PELP1: variants seen among roughly 807,000 people sequenced by gnomAD.
PELP1 encodes proline-, glutamic acid- and leucine-rich protein 1.
In PELP1, 32 loss-of-function variants were observed where a neutral mutation model predicts 95.5. The observed-to-expected ratio is 0.34, with a 90% CI of 0.25 to 0.45. PELP1 has a LOEUF of 0.45. Ranked by LOEUF, PELP1 falls within the 20% of genes least tolerant of loss-of-function variation. The pLI is 1.00. For synonymous variants in PELP1, 668 were observed against 600.1 expected, an observed-to-expected ratio of 1.11 and a Z score of -1.65; for missense variants, 1,358 against 1,444.8, an observed-to-expected ratio of 0.94 and a Z score of 0.97.
chr17:4,689,502 G>A (rs536923515), intron 3 of PELP1, among the ~76,000 whole-genome samples: 1 of 152,258 alleles, frequency 6.6e-6, no homozygotes, highest in East Asian at 1.9e-4. Context: ...ACATCAAAAA[G>A]TGAGCTAAGG....
At chr17:4,693,331 G>A (rs995675247) in intron 1 of PELP1, among the ~76,000 whole-genome samples, 6 of 152,268 alleles carry the variant, frequency 3.9e-5, no homozygotes, top group East Asian at 1.9e-4. Flanking sequence ...GTGCAGCAGC[G>A]CCCCCTTATC....
chr17:4,674,529 C>G lies in PELP1; in HGVS notation c.1563G>C (p.Val521=), dbSNP rs1346634973. Residue 521 remains valine (V), a synonymous_variant, in exon 13 of 17, where the codon GTG becomes GTC. Coordinates refer to ENST00000572293, the MANE Select transcript of PELP1 (RefSeq NM_014389.3). Reference sequence around the variant, plus strand: ...ACCCACCTCTGAGTGCAGCCGCACACACGTCGCTGTTGGCATTGCTATCCC... The same window carrying G: ...ACCCACCTCTGAGTGCAGCCGCACAGACGTCGCTGTTGGCATTGCTATCCC... ...RKGDSNANSD[V]CAAALRGLSR... 6.2e-7 allele frequency: 1 copy of G among 1,613,132 alleles called. No homozygotes were observed. The highest frequency in any genetic ancestry group is 1.3e-5 in the African/African-American group (1 of 74,902).
At position 4,672,080 on chromosome 17, in the gene PELP1, C is replaced by T. The variant is rs906270818; in HGVS notation, c.2911G>A (p.Glu971Lys). Residue 971 changes from glutamate to lysine, a missense_variant, in exon 16 of 17, where the codon GAG becomes AAG. This residue lies in a region of PELP1 where 283 missense variants were observed against 284.1 expected (regional missense o/e 1.00). Transcript: ENST00000572293. ...GGTGGAGGTGCACCTTCTTCTACCT[C>T]CCCTCCTGCTGTGCCAAACTCCAGG... ...EDLEFGTAGGEVEEGAPPPPT... is the reference protein window; with the variant it reads ...EDLEFGTAGGKVEEGAPPPPT... 1 of 1,555,690 alleles carries T rather than the reference C, an allele frequency of 6.4e-7. No individual in the cohort carries two copies. The highest frequency in any genetic ancestry group is 8.7e-7 in the Non-Finnish European group (1 of 1,149,408).
chr17:4,683,264 A>G (rs1349827514), intron 3 of PELP1, among the ~76,000 whole-genome samples: 2 of 147,156 alleles, frequency 1.4e-5, no homozygotes, highest in Non-Finnish European at 3.0e-5. Context: ...TCTGTCACCC[A>G]GGCTGGAGTG....
In PELP1 at chr17:4,672,999, C is replaced by T. The variant is rs967267031; in HGVS notation, c.1992G>A (p.Pro664=). 1.4e-5 allele frequency: 21 copies of T among 1,552,754 alleles called. No homozygotes were observed. Among genetic ancestry groups the T allele is most frequent in the East Asian group, 4.5e-5 (2 of 44,368 alleles). Residue 664 remains proline (P), a synonymous_variant, in exon 16 of 17, where the codon CCG becomes CCA. Coordinates refer to ENST00000572293, the MANE Select transcript of PELP1 (RefSeq NM_014389.3). ...AGGGCATGGGGCCCGGAGGATGGAACGGTGGGGCCCTGAAGGGCGATGGGG... is the reference window on the plus strand; with the variant it reads ...AGGGCATGGGGCCCGGAGGATGGAATGGTGGGGCCCTGAAGGGCGATGGGG... ...PEAPSPFRAP[P]FHPPGPMPSV... is the part of the protein sequence containing the mutation.
intron 3 of PELP1, among the ~76,000 whole-genome samples, chr17:4,684,851 C>T (rs908865381): frequency 2.6e-5 from 4 of 152,204 alleles, no homozygotes; most frequent in Non-Finnish European, 4.4e-5. Flanking sequence ...CAGGCACATG[C>T]CACCATGCCC....
At chr17:4,692,395 A>G (rs1913140985) in intron 1 of PELP1, among the ~76,000 whole-genome samples, 1 of 151,794 alleles carries the variant, frequency 6.6e-6, no homozygotes, top group African/African-American at 2.4e-5. Flanking sequence ...TGAACCCAGG[A>G]GACGGAGTTT....
In PELP1 at chr17:4,682,950, G is replaced by A. The variant is rs370267840; in HGVS notation, c.423C>T (p.Thr141=). 2 of 1,362,686 alleles carry A rather than the reference G, an allele frequency of 1.5e-6. No individual in the cohort carries two copies. The highest frequency in any genetic ancestry group is 1.9e-6 in the Non-Finnish European group (2 of 1,061,602). 84.4% of individuals were successfully genotyped at this position (1,362,686 alleles called of 1,614,324 possible). A position where few individuals can be genotyped will look rare whatever the true frequency, so the allele number is the denominator to read the frequency against. ...WLRSIQQVLQ[T]QDPPATMELA... is the part of the protein sequence containing the mutation. ...GCTCCATTGTGGCAGGCGGGTCCTG[G>A]GTCTAAAGAAAAAAATAATGTCTCG... is the stretch of plus-strand genomic sequence containing the variant. The change falls in exon 4 of 17, where the codon ACC becomes ACT. Residue 141 remains threonine, a splice_region_variant and synonymous_variant. Coordinates refer to ENST00000572293, the MANE Select transcript of PELP1 (RefSeq NM_014389.3).
intron 4 of PELP1, 84 bp from the exon 5 acceptor site, chr17:4,682,657 C>A (rs1350313983): frequency 6.9e-7 from 1 of 1,442,384 alleles, no homozygotes; most frequent in Non-Finnish European, 9.7e-7. Flanking sequence ...CACAAGGGCC[C>A]TTCTCCAGAA....
chr17:4,674,256 C>T (rs1912356680), intron 13 of PELP1, among the ~76,000 whole-genome samples: 1 of 152,274 alleles, frequency 6.6e-6, no homozygotes, highest in Admixed American at 6.5e-5. Flanking sequence ...CCGCCTGCAG[C>T]CCTGGCAACA....
At chr17:4,676,267 C>A in intron 7 of PELP1, 90 bp downstream of exon 7, 1 of 1,577,014 alleles carries the variant, frequency 6.3e-7, no homozygotes, top group South Asian at 1.1e-5. Flanking sequence ...CCCCAAAAAC[C>A]AACTGCCCCA....
At chr17:4,690,040 C>CAGAG (rs775761243) in intron 3 of PELP1, among the ~76,000 whole-genome samples, 1 of 150,698 alleles carries the variant, frequency 6.6e-6, no homozygotes, top group East Asian at 1.9e-4. Context: ...GAGACAGAGA[C>CAGAG]AGAGAGAGAG....
chr17:4,685,702 G>A (rs929534652), intron 3 of PELP1, among the ~76,000 whole-genome samples: 4 of 151,354 alleles, frequency 2.6e-5, no homozygotes, highest in Admixed American at 6.6e-5. Context: ...GCGGTGGGGG[G>A]TACTGATGTG....
intron 5 of PELP1, among the ~76,000 whole-genome samples, chr17:4,678,118 G>C (rs1366577758): frequency 1.3e-5 from 2 of 151,952 alleles, no homozygotes; most frequent in Admixed American, 6.6e-5. Context: ...GGAGGCTGAG[G>C]CAGGAGAATT....
At position 4,689,220 on chromosome 17, in the gene PELP1, C is replaced by T. The variant is rs149104487; in HGVS notation, c.420+1668G>A. On this transcript the variant is annotated intron_variant, in intron 3 of 16. Coordinates refer to ENST00000572293, the MANE Select transcript of PELP1 (RefSeq NM_014389.3). Reference sequence around the variant, plus strand: ...ATGGATCAAGGACTTAAATCTAAGACCTGAAACCATAACAATTCTAGAAGA... The same window carrying T: ...ATGGATCAAGGACTTAAATCTAAGATCTGAAACCATAACAATTCTAGAAGA... Among the ~76,000 whole-genome samples, 426 of 152,288 alleles carry T rather than the reference C, an allele frequency of 2.8e-3. 4 individuals carry two copies. Among genetic ancestry groups the T allele is most frequent in the African/African-American group, 9.7e-3 (403 of 41,558 alleles).
In PELP1 at chr17:4,675,709, C is replaced by T; in HGVS notation, c.1068+88G>A. On this transcript the variant is annotated intron_variant, in intron 9 of 16. Coordinates refer to ENST00000572293, the MANE Select transcript of PELP1 (RefSeq NM_014389.3). The surrounding 1 kb of genome is among the most constrained non-coding windows in gnomAD (Gnocchi z 4.3). ...TCTCTGGGACGACTCCAGGATGACA[C>T]TGTTTGGGGAGACTCAGGTCCCCAG... 4.3e-6 allele frequency: 4 copies of T among 925,334 alleles called. No homozygotes were observed. Among genetic ancestry groups the T allele is most frequent in the Non-Finnish European group, 7.0e-6 (4 of 574,606 alleles). The allele number at this position is 925,334 out of a possible 1,614,324, so 57.3% of individuals were successfully genotyped here. A position where few individuals can be genotyped will look rare whatever the true frequency, so the allele number is the denominator to read the frequency against.
intron 3 of PELP1, among the ~76,000 whole-genome samples, chr17:4,686,419 G>T (rs1912911433): frequency 6.6e-6 from 1 of 152,170 alleles, no homozygotes; most frequent in African/African-American, 2.4e-5. Flanking sequence ...TACTATGAAT[G>T]TTCTCCTAGA....
chr17:4,676,904 C>G (rs1303409035), intron 5 of PELP1, 92 bp from the exon 6 acceptor site: 1 of 948,776 alleles, frequency 1.1e-6, no homozygotes, highest in African/African-American at 1.7e-5. Context: ...AGACTCTAAG[C>G]CCAGGTCTCT....
Position 4,689,680 on chromosome 17 carries a change from T to C in PELP1, c.420+1208A>G, listed in dbSNP as rs747840658. Among the ~76,000 whole-genome samples, 12 of 152,224 alleles carry C rather than the reference T, an allele frequency of 7.9e-5. No homozygotes were observed. In the South Asian group the frequency reaches 8.3e-4, roughly 11 times the overall value. The stretch of plus-strand genomic sequence containing the variant: ...TATTTTATAGCAGCACAATTCACAA[T>C]TGCAAAAATGTGGAACCAGCCTAAA... On this transcript the variant is annotated intron_variant, in intron 3 of 16. Coordinates refer to ENST00000572293, the MANE Select transcript of PELP1 (RefSeq NM_014389.3).
Sources: gnomAD v4.1 joint callset for allele counts (sites outside exome capture counted in the v4.1 genomes callset) on GRCh38, gnomAD v4.1.1 for gene constraint, gnomAD v4.1.1 regional missense constraint, Gnocchi (gnomAD v3.1) non-coding constraint, MANE v1.5 for transcripts, NCBI Gene and HGNC (gene_info 2026-07-23, HGNC 2026-07-21) for gene names.